Variants in PBX3 observed in about 807,000 individuals in gnomAD.
PBX3 encodes the protein PBX homeobox 3, also known as pre-B-cell leukemia transcription factor 3.
In PBX3, 14 loss-of-function variants were observed where a neutral mutation model predicts 48.5. That is an observed-to-expected ratio of 0.29 (90% CI 0.19 to 0.45). The LOEUF is 0.45. PBX3 is among the 20% of genes least tolerant of loss of function. The probability of loss-of-function intolerance (pLI) is 1.00; values close to 1 mark genes in which losing one functional copy is unlikely to be tolerated. For synonymous variants in PBX3, 210 were observed against 200.3 expected (o/e 1.05, Z -0.41); for missense variants, 386 against 546.7 (o/e 0.71, Z 2.93).
intron 2 of PBX3, among the ~76,000 whole-genome samples, chr9:125,822,725 A>G (rs934353594): frequency 1.3e-5 from 2 of 152,162 alleles, no homozygotes; most frequent in African/African-American, 4.8e-5. Context: ...AGGCTGCATA[A>G]TCCAATCAAA....
intron 2 of PBX3, among the ~76,000 whole-genome samples, chr9:125,793,679 C>G (rs1053187589): frequency 5.9e-5 from 9 of 151,946 alleles, no homozygotes; most frequent in African/African-American, 2.2e-4. Flanking sequence ...ATCCGCCTGC[C>G]TCGTCCTCCC....
At chr9:125,905,366 C>T (rs981318392) in intron 2 of PBX3, among the ~76,000 whole-genome samples, 3 of 151,992 alleles carry the variant, frequency 2.0e-5, no homozygotes, top group African/African-American at 7.2e-5. Flanking sequence ...TTTAATTGTT[C>T]TAATGAGGAA....
intron 2 of PBX3, among the ~76,000 whole-genome samples, chr9:125,831,173 A>T (rs982229418): frequency 7.2e-5 from 11 of 152,212 alleles, no homozygotes; most frequent in Non-Finnish European, 1.5e-4. Flanking sequence ...CTAGACTAGA[A>T]TTAGATCTAA....
At position 125,777,409 on chromosome 9, in the gene PBX3, G is replaced by T. The variant is rs180876353; in HGVS notation, c.274+28786G>T. Reference sequence around the variant, plus strand: ...CTCACCCTGTCACCCAGGCTGGAGTGCAGTGGCGTGATCTGGGCTCACTGC... The same window carrying T: ...CTCACCCTGTCACCCAGGCTGGAGTTCAGTGGCGTGATCTGGGCTCACTGC... On this transcript the variant is annotated intron_variant, in intron 2 of 8. Transcript: ENST00000373489. Among the ~76,000 whole-genome samples the T allele has an allele frequency of 8.6e-5, 13 of 151,588 alleles. No individual in the cohort carries two copies. The East Asian group carries it at 2.1e-3, about 25-fold the overall frequency.
intron 3 of PBX3, among the ~76,000 whole-genome samples, chr9:125,924,025 C>T (rs568806834): frequency 2.0e-5 from 3 of 151,036 alleles, no homozygotes; most frequent in African/African-American, 2.4e-5. Context: ...CTACCATGCC[C>T]GGCTTAATTT....
chr9:125,856,976 A>T (rs2132277217), intron 2 of PBX3, among the ~76,000 whole-genome samples: 1 of 152,312 alleles, frequency 6.6e-6, no homozygotes, highest in African/African-American at 2.4e-5. Context: ...AGGAATATAC[A>T]GTTTAATTTC....
intron 2 of PBX3, among the ~76,000 whole-genome samples, chr9:125,884,025 G>T (rs1840442948): frequency 6.6e-6 from 1 of 152,132 alleles, no homozygotes; most frequent in East Asian, 1.9e-4. Flanking sequence ...GATTTGCGAT[G>T]AGCTTATGTG....
At chr9:125,908,088 A>G (rs531249205) in intron 2 of PBX3, among the ~76,000 whole-genome samples, 95 of 152,264 alleles carry the variant, frequency 6.2e-4, no homozygotes, top group African/African-American at 2.3e-3. Context: ...TCAGATTATC[A>G]TATTAACAAA....
intron 2 of PBX3, among the ~76,000 whole-genome samples, chr9:125,754,036 C>G (rs947590953): frequency 3.9e-5 from 6 of 152,076 alleles, no homozygotes; most frequent in African/African-American, 1.4e-4. Context: ...GAACCACACC[C>G]TAAGTCAGTC....
intron 2 of PBX3, among the ~76,000 whole-genome samples, chr9:125,762,889 A>G (rs984036031): frequency 6.6e-6 from 1 of 152,220 alleles, no homozygotes. Flanking sequence ...AATGATATTA[A>G]TTAAACTCAC....
At chr9:125,963,127 AG>A in intron 8 of PBX3, 26 bp downstream of exon 8, 1 of 1,289,654 alleles carries the variant, frequency 7.8e-7, no homozygotes, top group Non-Finnish European at 1.1e-6. Flanking sequence ...AGTCAGCTGT[AG>A]GAGAACAGTG....
intron 2 of PBX3, among the ~76,000 whole-genome samples, chr9:125,802,414 G>A (rs1785971855): frequency 8.0e-6 from 1 of 124,494 alleles, no homozygotes; most frequent in Non-Finnish European, 1.6e-5. Flanking sequence ...GTTGCCCAGT[G>A]TGGAGTTCAG....
chr9:125,963,091 A>G lies in PBX3; in HGVS notation c.1202A>G (p.His401Arg), dbSNP rs1193479620. ...GLGGNSLYSP[H>R]NLNANGGWQD... is the part of the protein sequence containing the mutation. ...GGAGGAAATTCACTGTACAGTCCAC[A>G]TAATTTAAATGTGAGTACTCTGGGG... is the stretch of plus-strand genomic sequence containing the variant. Residue 401 changes from histidine to arginine, a missense_variant, in exon 8 of 9, where the codon CAT becomes CGT. Physicochemically the swap from His to Arg is conservative, Grantham distance 29. Coordinates refer to ENST00000373489, the MANE Select transcript of PBX3 (RefSeq NM_006195.6). 5 of 1,587,686 alleles carry G rather than the reference A, an allele frequency of 3.1e-6. 1 individual carries two copies. The highest frequency in any genetic ancestry group is 1.7e-4 in the Middle Eastern group (1 of 6,024).
chr9:125,768,858 AT>A (rs1254287165), intron 2 of PBX3, among the ~76,000 whole-genome samples: 1 of 152,190 alleles, frequency 6.6e-6, no homozygotes, highest in Non-Finnish European at 1.5e-5. Context: ...GAAAGCATGA[AT>A]TTTATTATTA....
chr9:125,868,543 G>T (rs1473851449), intron 2 of PBX3, among the ~76,000 whole-genome samples: 1 of 152,160 alleles, frequency 6.6e-6, no homozygotes, highest in Non-Finnish European at 1.5e-5. Context: ...TATGAGAGCT[G>T]GCATTTATTC....
chr9:125,939,731 A>G (rs1479441882), intron 5 of PBX3, among the ~76,000 whole-genome samples: 2 of 152,238 alleles, frequency 1.3e-5, no homozygotes, highest in Admixed American at 1.3e-4. Flanking sequence ...ACAATGGAGC[A>G]CTATTCAGCA....
chr9:125,836,579 C>G (rs561270393), intron 2 of PBX3, among the ~76,000 whole-genome samples: 65 of 152,156 alleles, frequency 4.3e-4, no homozygotes, highest in Non-Finnish European at 6.9e-4. Context: ...GGAATAAGAT[C>G]TAGTGTTTGG....
chr9:125,864,774 C>T (rs539727010), intron 2 of PBX3, among the ~76,000 whole-genome samples: 6 of 152,304 alleles, frequency 3.9e-5, no homozygotes, highest in South Asian at 2.1e-4. Context: ...GCTTGCCCGT[C>T]GCTCACCTCT....
chr9:125,854,478 C>G (rs1329755581), intron 2 of PBX3, among the ~76,000 whole-genome samples: 1 of 152,014 alleles, frequency 6.6e-6, no homozygotes, highest in East Asian at 1.9e-4. Context: ...TATTGGACAC[C>G]CCCTGCTTCC....
Sources: allele counts gnomAD v4.1 joint callset (sites outside exome capture counted in the v4.1 genomes callset), GRCh38; gene constraint gnomAD v4.1.1; transcripts MANE v1.5; gene names NCBI Gene and HGNC (gene_info 2026-07-23, HGNC 2026-07-21).